HS2ST1: variants seen among roughly 807,000 people sequenced by gnomAD.
The protein encoded by HS2ST1 is heparan sulfate 2-O-sulfotransferase 1.
Under a neutral mutation model 42.9 loss-of-function variants are expected in HS2ST1, and 18 were observed. The ratio of observed to expected loss-of-function variants is 0.42; its 90% confidence interval spans 0.29 to 0.62. The LOEUF is 0.62. Among genes scored for constraint, HS2ST1 ranks in the 20% least tolerant of loss-of-function variants. HS2ST1 has a pLI of 0.21. For synonymous variants in HS2ST1, 146 were observed against 152.9 expected, an observed-to-expected ratio of 0.95 and a Z score of 0.33; for missense variants, 334 against 433.8, an observed-to-expected ratio of 0.77 and a Z score of 2.04.
At chr1:86,986,299 CTTAG>C (rs924208755) in intron 1 of HS2ST1, among the ~76,000 whole-genome samples, 2 of 151,898 alleles carry the variant, frequency 1.3e-5, no homozygotes, top group African/African-American at 4.8e-5. Context: ...TTACAGTTTT[CTTAG>C]TTATACTTTG....
At chr1:87,047,262 C>A (rs1429006411) in intron 1 of HS2ST1, among the ~76,000 whole-genome samples, 1 of 152,076 alleles carries the variant, frequency 6.6e-6, no homozygotes, top group Admixed American at 6.5e-5. Context: ...GTGTCCAAAT[C>A]CTTAGTTCAT....
At chr1:86,971,354 T>C (rs1648229581) in intron 1 of HS2ST1, among the ~76,000 whole-genome samples, 1 of 152,196 alleles carries the variant, frequency 6.6e-6, no homozygotes, top group Admixed American at 6.5e-5. Flanking sequence ...TTCAGTTCTG[T>C]GAGCTACCCA....
At chr1:86,916,278 C>T (rs1660156227) in intron 1 of HS2ST1, among the ~76,000 whole-genome samples, 2 of 152,046 alleles carry the variant, frequency 1.3e-5, no homozygotes, top group African/African-American at 4.8e-5. Context: ...TTTTTGCATA[C>T]TCTCACCTCA....
At position 86,936,551 on chromosome 1, in the gene HS2ST1, C is replaced by A. The variant is rs566815586; in HGVS notation, c.124+21391C>A. On this transcript the variant is annotated intron_variant, in intron 1 of 6. Transcript: ENST00000370550. ...AATAAATCATGTAATTTAACCCTTA[C>A]AACCTCCTAAGATAGGTGTCAATAT... Among the ~76,000 whole-genome samples, 3 of 152,252 alleles carry A rather than the reference C, an allele frequency of 2.0e-5. No homozygotes were observed. The South Asian group carries it at 6.2e-4, about 32-fold the overall frequency.
intron 1 of HS2ST1, among the ~76,000 whole-genome samples, chr1:87,014,816 G>A (rs1186196968): frequency 6.6e-6 from 1 of 152,136 alleles, no homozygotes; most frequent in Non-Finnish European, 1.5e-5. Context: ...GATCTTTATA[G>A]CCAAGGATAA....
At chr1:87,048,808 A>G (rs1056457389) in intron 1 of HS2ST1, among the ~76,000 whole-genome samples, 1 of 152,156 alleles carries the variant, frequency 6.6e-6, no homozygotes, top group Admixed American at 6.5e-5. Context: ...ACCAATCTGT[A>G]TCCTTGGGAT....
rs574607806 is a variant in HS2ST1 at position 87,087,566 on chromosome 1, C to G, written c.449+3287C>G. ...CACGACAAGAAACAACTAAATGCTT[C>G]ATTAGGTCTGAAATTCTAAACAGTA... On this transcript the variant is annotated intron_variant, in intron 3 of 6. Transcript: ENST00000370550. Among the ~76,000 whole-genome samples the G allele has an allele frequency of 2.0e-5, 3 of 152,148 alleles. No homozygotes were observed. In the South Asian group the frequency reaches 6.2e-4, roughly 32 times the overall value.
chr1:87,063,300 A>T (rs1346199590), intron 1 of HS2ST1, among the ~76,000 whole-genome samples: 1 of 151,892 alleles, frequency 6.6e-6, no homozygotes, highest in Non-Finnish European at 1.5e-5. Context: ...CTGCTGTTGA[A>T]CCCATTCACT....
chr1:87,018,048 A>G (rs74097514), intron 1 of HS2ST1, among the ~76,000 whole-genome samples: 2,536 of 152,178 alleles, frequency 0.017, 64 homozygotes, highest in Admixed American at 0.075. Context: ...AAGGTAAAAC[A>G]TAGCAGTTTG....
intron 1 of HS2ST1, among the ~76,000 whole-genome samples, chr1:86,950,450 C>T (rs966473956): frequency 2.6e-5 from 4 of 152,048 alleles, no homozygotes; most frequent in Non-Finnish European, 5.9e-5. Context: ...TGCAGTGGAT[C>T]CTGCATTGGG....
chr1:86,924,336 C>T (rs888270692), intron 1 of HS2ST1, among the ~76,000 whole-genome samples: 12 of 152,154 alleles, frequency 7.9e-5, no homozygotes, highest in East Asian at 3.9e-4. Flanking sequence ...TCCAGGTGCA[C>T]GGTGCAAACT....
intron 2 of HS2ST1, among the ~76,000 whole-genome samples, chr1:87,076,641 G>T (rs61773087): frequency 6.6e-6 from 1 of 152,108 alleles, no homozygotes; most frequent in East Asian, 1.9e-4. Flanking sequence ...TTTGCGATGG[G>T]CTTTACTTAG....
intron 1 of HS2ST1, among the ~76,000 whole-genome samples, chr1:87,012,779 C>T (rs1014591732): frequency 1.3e-5 from 2 of 152,190 alleles, no homozygotes; most frequent in African/African-American, 2.4e-5. Flanking sequence ...TTCCTAGATA[C>T]AGTGGCAGTA....
chr1:86,990,722 C>T (rs1312432016), intron 1 of HS2ST1, among the ~76,000 whole-genome samples: 1 of 145,970 alleles, frequency 6.9e-6, no homozygotes, highest in Non-Finnish European at 1.5e-5. Flanking sequence ...TGGTTCATCG[C>T]AACCTCCACC....
intron 1 of HS2ST1, chr1:87,045,690 A>G: frequency 1.3e-6 from 1 of 785,322 alleles, no homozygotes; most frequent in South Asian, 1.3e-5. Context: ...AGTAGTAGCA[A>G]TAGCAGGAAT....
Position 87,097,912 on chromosome 1 carries a change from C to T in HS2ST1, c.663C>T (p.Phe221=). The T allele has an allele frequency of 1.2e-6, 2 of 1,614,068 alleles. No individual in the cohort carries two copies. The highest frequency in any genetic ancestry group is 1.1e-5 in the South Asian group (1 of 91,078). ...AGCTCTGGCTTCAAATCCCGTTCTT[C>T]TGTGGCCATAGCTCCGAATGCTGGT... ...PEKLWLQIPF[F]CGHSSECWNV... The change falls in exon 5 of 7, where the codon TTC becomes TTT. Residue 221 remains phenylalanine (F), a synonymous_variant. Coordinates refer to ENST00000370550, the MANE Select transcript of HS2ST1 (RefSeq NM_012262.4).
rs1440157971 is a variant in HS2ST1, at chr1:87,106,171, T to C, written c.*1475T>C. ...TTAACAAAGAAAGGGAAAAGTCTGC[T>C]TGTAAGCTGGTTGAAAAAGTTAATC... On this transcript the variant is annotated 3_prime_UTR_variant, in exon 7 of 7. Transcript: ENST00000370550. The C allele has an allele frequency of 6.6e-6, 1 of 152,544 alleles. No homozygotes were observed. The highest frequency in any genetic ancestry group is 1.5e-5 in the Non-Finnish European group (1 of 67,960). The allele number at this position is 152,544 out of a possible 1,614,324, so 9.4% of individuals were successfully genotyped here. A position where few individuals can be genotyped will look rare whatever the true frequency, so the allele number is the denominator to read the frequency against.
chr1:86,990,551 G>A (rs1271871900), intron 1 of HS2ST1, among the ~76,000 whole-genome samples: 2 of 151,784 alleles, frequency 1.3e-5, no homozygotes, highest in Non-Finnish European at 2.9e-5. Flanking sequence ...TGTAACCCCT[G>A]TAGTATTGCC....
intron 1 of HS2ST1, among the ~76,000 whole-genome samples, chr1:86,924,544 C>A (rs58911101): frequency 0.029 from 4,365 of 152,248 alleles, 223 homozygotes; most frequent in African/African-American, 0.1. Context: ...TTCCATACAT[C>A]TTCTGAAATC....
Sources: allele counts gnomAD v4.1 joint callset (sites outside exome capture counted in the v4.1 genomes callset), GRCh38; gene constraint gnomAD v4.1.1; transcripts MANE v1.5; gene names NCBI Gene and HGNC (gene_info 2026-07-23, HGNC 2026-07-21).